The following CATSPER3 variants were observed in gnomAD, a reference collection of about 807,000 sequenced individuals.
CATSPER3 encodes cation channel sperm-associated protein 3.
In CATSPER3, 23 loss-of-function variants were observed where a neutral mutation model predicts 36.6. The ratio of observed to expected loss-of-function variants is 0.63; its 90% CI spans 0.45 to 0.89. The LOEUF is 0.89. Among genes scored for constraint, CATSPER3 ranks in the 40% least tolerant of loss-of-function variants. CATSPER3 has a pLI of 0.00. For missense variants in CATSPER3, 474 were observed against 503.9 expected (o/e 0.94, Z 0.57); for synonymous variants, 172 against 184.1 (o/e 0.93, Z 0.53).
At chr5:135,008,737 G>T in intron 4 of CATSPER3, 104 bp from the exon 5 acceptor site, 3 of 974,396 alleles carry the variant, frequency 3.1e-6, no homozygotes. Context: ...TGGAAGCGGA[G>T]CCACCCTTCT....
chr5:134,993,311 G>A (rs1025834657), intron 2 of CATSPER3, among the ~76,000 whole-genome samples: 4 of 152,154 alleles, frequency 2.6e-5, no homozygotes, highest in African/African-American at 9.7e-5. Context: ...CGGGGAGAGG[G>A]GAATGAGAAC....
intron 3 of CATSPER3, among the ~76,000 whole-genome samples, chr5:135,003,187 T>A (rs1752042984): frequency 6.6e-6 from 1 of 152,248 alleles, no homozygotes; most frequent in Non-Finnish European, 1.5e-5. Flanking sequence ...GACCCTCAGC[T>A]GCAGATCTGT....
chr5:134,986,157 T>C (rs1751805960), intron 2 of CATSPER3, among the ~76,000 whole-genome samples: 1 of 152,056 alleles, frequency 6.6e-6, no homozygotes, highest in Non-Finnish European at 1.5e-5. Flanking sequence ...TTTTTTTTTT[T>C]TTCTGAGATG....
intron 2 of CATSPER3, among the ~76,000 whole-genome samples, chr5:134,977,431 G>A (rs1751687209): frequency 6.6e-6 from 1 of 152,154 alleles, no homozygotes; most frequent in African/African-American, 2.4e-5. Flanking sequence ...ATGCAACCAA[G>A]TTCTTTGCTA....
chr5:134,972,157 T>C (rs906081771), intron 2 of CATSPER3, among the ~76,000 whole-genome samples: 1 of 152,180 alleles, frequency 6.6e-6, no homozygotes, highest in African/African-American at 2.4e-5. Flanking sequence ...AAATACAAAA[T>C]ATTCTGAGCA....
intron 1 of CATSPER3, chr5:134,969,131 T>A (rs1264393295): frequency 6.6e-6 from 1 of 152,194 alleles, no homozygotes; most frequent in African/African-American, 2.4e-5. Flanking sequence ...TTTTGTTAGA[T>A]GTTTAAGTTG....
intron 2 of CATSPER3, among the ~76,000 whole-genome samples, chr5:134,994,284 C>T (rs762767005): frequency 6.6e-6 from 1 of 152,036 alleles, no homozygotes; most frequent in Non-Finnish European, 1.5e-5. Flanking sequence ...GAAAATTTGG[C>T]AAAAGATTAG....
chr5:134,991,011 A>C (rs1011259206), intron 2 of CATSPER3, among the ~76,000 whole-genome samples: 2 of 152,246 alleles, frequency 1.3e-5, no homozygotes, highest in Admixed American at 1.3e-4. Context: ...TCAATTAACA[A>C]TCTGAAAAAG....
intron 3 of CATSPER3, among the ~76,000 whole-genome samples, chr5:135,000,098 A>G (rs1378166264): frequency 1.3e-5 from 2 of 152,160 alleles, no homozygotes; most frequent in African/African-American, 4.8e-5. Context: ...TACCTAATTT[A>G]TTGAGAGTTT....
At chr5:134,968,210 C>T in intron 1 of CATSPER3, 121 bp downstream of exon 1, 1 of 742,560 alleles carries the variant, frequency 1.3e-6, no homozygotes, top group Non-Finnish European at 2.4e-6. Context: ...AAATAAGTTG[C>T]ATGTCCTTGA....
intron 2 of CATSPER3, among the ~76,000 whole-genome samples, chr5:134,986,678 G>A (rs1352877979): frequency 6.6e-6 from 1 of 151,822 alleles, no homozygotes; most frequent in Non-Finnish European, 1.5e-5. Flanking sequence ...GGCCAGGCTG[G>A]TCTCGAACTC....
chr5:135,009,528 A>G (rs1454263471), intron 6 of CATSPER3, 38 bp downstream of exon 6: 12 of 992,036 alleles, frequency 1.2e-5, no homozygotes, highest in South Asian at 1.9e-5. Context: ...AGATGGGTGG[A>G]TGGATCGTCA....
rs567898776 is a variant in CATSPER3, at chr5:134,971,168, C to T, written c.252+1076C>T. 3.6e-4 allele frequency among the ~76,000 whole-genome samples: 55 copies of T among 152,198 alleles called. No individual in the cohort carries two copies. In the East Asian group the frequency reaches 9.7e-3, roughly 27 times the overall value. On this transcript the variant is annotated intron_variant, in intron 2 of 7. Transcript: ENST00000282611. ...GTTTCACCGTGTTAGCCAGGATGGT[C>T]TCAATCTCCTGACCTCGTGATCCGC... is the stretch of plus-strand genomic sequence containing the variant.
intron 3 of CATSPER3, among the ~76,000 whole-genome samples, chr5:135,006,121 A>G (rs754581152): frequency 6.6e-6 from 1 of 152,218 alleles, no homozygotes; most frequent in Non-Finnish European, 1.5e-5. Flanking sequence ...CTACTGGCCT[A>G]AGGGGAACTG....
chr5:135,008,807 T>C (rs299376), intron 4 of CATSPER3, 34 bp from the exon 5 acceptor site: 1,441,533 of 1,609,170 alleles, frequency 0.9, 646,571 homozygotes, highest in East Asian at 1. Flanking sequence ...CCACTGGGTC[T>C]GGGCCCTCAG....
chr5:134,993,488 T>C (rs952453176), intron 2 of CATSPER3, among the ~76,000 whole-genome samples: 3 of 152,028 alleles, frequency 2.0e-5, no homozygotes, highest in Non-Finnish European at 4.4e-5. Flanking sequence ...AAAATATCAA[T>C]AAAGTCAAAG....
At chr5:134,999,595 T>C (rs1479708873) in intron 3 of CATSPER3, among the ~76,000 whole-genome samples, 1 of 152,238 alleles carries the variant, frequency 6.6e-6, no homozygotes, top group Admixed American at 6.5e-5. Flanking sequence ...TGGGCAGTGG[T>C]TTGTAGTTCT....
chr5:134,972,334 G>C (rs534295827), intron 2 of CATSPER3, among the ~76,000 whole-genome samples: 1 of 152,062 alleles, frequency 6.6e-6, no homozygotes, highest in Non-Finnish European at 1.5e-5. Flanking sequence ...TACTTAACCC[G>C]TAGATAATGA....
chr5:135,009,364 T>G lies in CATSPER3; in HGVS notation c.817-7T>G. 6.2e-6 allele frequency: 10 copies of G among 1,613,200 alleles called. No homozygotes were observed. Among genetic ancestry groups the G allele is most frequent in the Non-Finnish European group, 8.5e-6 (10 of 1,179,582 alleles). On this transcript the variant is annotated splice_polypyrimidine_tract_variant and splice_region_variant and intron_variant, in intron 5 of 7. Transcript: ENST00000282611. Reference sequence around the variant, plus strand: ...CTGTAGTTGACCTCCATCGTCTGACTCTCTAGGACTCCATCAGAAAGTTTG... The same window carrying G: ...CTGTAGTTGACCTCCATCGTCTGACGCTCTAGGACTCCATCAGAAAGTTTG...
Sources: allele counts gnomAD v4.1 joint callset (sites outside exome capture counted in the v4.1 genomes callset), GRCh38; gene constraint gnomAD v4.1.1; transcripts MANE v1.5; gene names NCBI Gene and HGNC (gene_info 2026-07-23, HGNC 2026-07-21).